ARHGAP35: variants seen among roughly 807,000 people sequenced by gnomAD.
ARHGAP35 encodes rho GTPase-activating protein 35.
Under a neutral mutation model 111.1 loss-of-function variants are expected in ARHGAP35, and 15 were observed. The ratio of observed to expected loss-of-function variants is 0.13; its 90% CI spans 0.09 to 0.21. The LOEUF (loss-of-function observed/expected upper bound fraction) is 0.21, where lower values mean the gene tolerates loss of function less well. ARHGAP35 is among the 10% of genes least tolerant of loss of function. The pLI, the probability that ARHGAP35 is intolerant of heterozygous loss-of-function variation, is 1.00. For missense variants in ARHGAP35, 1,262 were observed against 1,873.0 expected (o/e 0.67, Z 6.02); for synonymous variants, 643 against 710.3 (o/e 0.91, Z 1.51).
intron 1 of ARHGAP35, among the ~76,000 whole-genome samples, chr19:46,867,108 A>C (rs945470403): frequency 1.3e-5 from 2 of 152,354 alleles, no homozygotes; most frequent in Non-Finnish European, 2.9e-5. Flanking sequence ...TGCTTCTCTG[A>C]TACTGAGAAA....
chr19:46,978,743 G>A lies in ARHGAP35; in HGVS notation c.3827-9246G>A, dbSNP rs1286107138. ...GATGTGTGTGTGGTGGAGTCTGTGT[G>A]GTGTGTGTGTGTGGTGGGGCATGTG... On this transcript the variant is annotated intron_variant, in intron 3 of 6. Transcript: ENST00000672722. 2.2e-5 allele frequency among the ~76,000 whole-genome samples: 3 copies of A among 139,206 alleles called. No individual in the cohort carries two copies. The East Asian group carries it at 6.8e-4, about 32-fold the overall frequency. The allele number at this position is 139,206 out of a possible 152,430, so 91.3% of individuals were successfully genotyped here. A position where few individuals can be genotyped will look rare whatever the true frequency, so the allele number is the denominator to read the frequency against.
intron 3 of ARHGAP35, among the ~76,000 whole-genome samples, chr19:46,957,693 T>G (rs963575013): frequency 2.0e-5 from 3 of 152,200 alleles, no homozygotes; most frequent in Admixed American, 1.3e-4. Flanking sequence ...ATTTGTGAGA[T>G]TGGGCACAGT....
chr19:46,890,420 G>A (rs962533239), intron 1 of ARHGAP35, among the ~76,000 whole-genome samples: 1 of 152,156 alleles, frequency 6.6e-6, no homozygotes. Flanking sequence ...GCCCATGCTG[G>A]GCAGTGGTCA....
chr19:46,871,194 A>G (rs2055885622), intron 1 of ARHGAP35, among the ~76,000 whole-genome samples: 1 of 152,230 alleles, frequency 6.6e-6, no homozygotes, highest in Non-Finnish European at 1.5e-5. Context: ...TCGTGTTGTT[A>G]ATTCCAGATT....
At chr19:46,938,586 C>T (rs540576742) in intron 3 of ARHGAP35, among the ~76,000 whole-genome samples, 13 of 151,624 alleles carry the variant, frequency 8.6e-5, no homozygotes, top group Non-Finnish European at 1.8e-4. Flanking sequence ...CTCCTGACCT[C>T]AGGTGATCTG....
rs1225510894 is a variant in ARHGAP35 at position 46,989,667 on chromosome 19, A to T, written c.4028A>T (p.Glu1343Val). ...TATAACATGCAGATCGACTTGGTGG[A>T]AGCACACAGTGAGTACCGGCAGCCC... ...VPYNMQIDLVEAHKINDREQK... is the reference protein window; with the variant it reads ...VPYNMQIDLVVAHKINDREQK... The change falls in exon 5 of 7, where the codon GAA becomes GTA. Residue 1343 changes from glutamate to valine, a missense_variant. Glu to Val is a moderately radical substitution (Grantham distance 121). Around this residue, in one of 8 missense-constraint regions of ARHGAP35, gnomAD observed 50 missense variants for 60.5 expected, o/e 0.83. Transcript: ENST00000672722. This position sits in a 1 kb window ranked among gnomAD's most constrained non-coding sequence, Gnocchi z 5.3. 6.2e-7 allele frequency: 1 copy of T among 1,613,760 alleles called. No individual in the cohort carries two copies.
intron 3 of ARHGAP35, among the ~76,000 whole-genome samples, chr19:46,982,520 C>T (rs1446736083): frequency 6.6e-6 from 1 of 150,598 alleles, no homozygotes; most frequent in Non-Finnish European, 1.5e-5. Context: ...GGCTTGTTTT[C>T]GTATAAAAAG....
chr19:46,878,126 C>T (rs1043503583), intron 1 of ARHGAP35, among the ~76,000 whole-genome samples: 30 of 152,060 alleles, frequency 2.0e-4, no homozygotes, highest in African/African-American at 7.2e-4. Context: ...CAGATTTAAG[C>T]GAGTCTCTCT....
At chr19:46,961,048 C>T (rs1290202329) in intron 3 of ARHGAP35, among the ~76,000 whole-genome samples, 1 of 152,116 alleles carries the variant, frequency 6.6e-6, no homozygotes, top group African/African-American at 2.4e-5. Flanking sequence ...GCGCCTGCCA[C>T]CACGCCCAGC....
At chr19:46,985,923 T>A (rs1425172167) in intron 3 of ARHGAP35, among the ~76,000 whole-genome samples, 3 of 152,148 alleles carry the variant, frequency 2.0e-5, no homozygotes, top group Non-Finnish European at 4.4e-5. Context: ...CCAGTTGCTT[T>A]TATCTTGCCT....
chr19:47,003,278 T>C lies in ARHGAP35; in HGVS notation c.*2590T>C, dbSNP rs2056757937. The C allele has an allele frequency of 6.6e-6, 1 of 152,292 alleles. No individual in the cohort carries two copies. The highest frequency in any genetic ancestry group is 1.5e-5 in the Non-Finnish European group (1 of 68,134). The allele number at this position is 152,292 out of a possible 1,614,324, so 9.4% of individuals were successfully genotyped here. A position where few individuals can be genotyped will look rare whatever the true frequency, so the allele number is the denominator to read the frequency against. On this transcript the variant is annotated 3_prime_UTR_variant, in exon 7 of 7. Transcript: ENST00000672722. ...GACCATGCTGCCCCCACTCCCGCTT[T>C]TGTTGGGGCTCTAAGTTCTGGAAGG...
At position 47,001,514 on chromosome 19, in the gene ARHGAP35, T is replaced by C; in HGVS notation, c.*826T>C. On this transcript the variant is annotated 3_prime_UTR_variant, in exon 7 of 7. Coordinates refer to ENST00000672722, the MANE Select transcript of ARHGAP35 (RefSeq NM_004491.5). The surrounding 1 kb of genome is among the most constrained non-coding windows in gnomAD (Gnocchi z 5.4). ...CACAGGTGGAGCTGACCCTCGTCTT[T>C]GTGGCAGCAAAACCAGGATGCCTGG... The C allele has an allele frequency of 3.6e-6, 3 of 843,086 alleles. No homozygotes were observed. In the Admixed American group the frequency reaches 8.7e-5, roughly 24 times the overall value. 52.2% of individuals were successfully genotyped at this position (843,086 alleles called of 1,614,324 possible).
At chr19:46,912,505 C>T (rs2056142611) in intron 1 of ARHGAP35, among the ~76,000 whole-genome samples, 1 of 152,068 alleles carries the variant, frequency 6.6e-6, no homozygotes, top group South Asian at 2.1e-4. Flanking sequence ...AGGTGCCCAC[C>T]ACCTCGCCCA....
chr19:46,923,073 A>G (rs1390506127), intron 2 of ARHGAP35, among the ~76,000 whole-genome samples: 2 of 151,012 alleles, frequency 1.3e-5, no homozygotes, highest in African/African-American at 2.4e-5. Context: ...CCTACTCGTC[A>G]TATGTAGAGA....
At chr19:46,927,282 G>A (rs1454014920) in intron 2 of ARHGAP35, among the ~76,000 whole-genome samples, 2 of 152,204 alleles carry the variant, frequency 1.3e-5, no homozygotes, top group Non-Finnish European at 2.9e-5. Flanking sequence ...TGGTAGTGAC[G>A]TTAATCCAGC....
chr19:46,967,865 T>A (rs1238567826), intron 3 of ARHGAP35, among the ~76,000 whole-genome samples: 3 of 151,432 alleles, frequency 2.0e-5, no homozygotes, highest in Admixed American at 2.0e-4. Context: ...ATCTGCTCTG[T>A]GAGCCAGGGC....
chr19:46,927,783 C>T (rs576782424), intron 2 of ARHGAP35, among the ~76,000 whole-genome samples: 2 of 152,162 alleles, frequency 1.3e-5, no homozygotes, highest in African/African-American at 4.8e-5. Flanking sequence ...AAACCTTGCC[C>T]AAGTGAGTGT....
chr19:46,982,870 C>A (rs2056628093), intron 3 of ARHGAP35, among the ~76,000 whole-genome samples: 1 of 151,556 alleles, frequency 6.6e-6, no homozygotes, highest in East Asian at 1.9e-4. Context: ...CAAAGTGAGA[C>A]CCCCATCTCT....
chr19:46,882,955 C>T (rs2055970477), intron 1 of ARHGAP35, among the ~76,000 whole-genome samples: 1 of 152,170 alleles, frequency 6.6e-6, no homozygotes, highest in South Asian at 2.1e-4. Context: ...CACAAGAGGC[C>T]CAGCTTTCAG....
Sources: allele counts gnomAD v4.1 joint callset (sites outside exome capture counted in the v4.1 genomes callset), GRCh38; gene constraint gnomAD v4.1.1; regional missense constraint gnomAD v4.1.1; non-coding constraint Gnocchi (gnomAD v3.1); transcripts MANE v1.5; gene names NCBI Gene and HGNC (gene_info 2026-07-23, HGNC 2026-07-21).